WASHC2C: variants seen among roughly 807,000 people sequenced by gnomAD.
WASHC2C encodes the protein WASH complex subunit 2C, also known as Vaccinia Penetration Factor.
A neutral mutation model predicts 142.2 loss-of-function variants in WASHC2C; 73 were observed. The ratio of observed to expected loss-of-function variants is 0.51; its 90% CI spans 0.43 to 0.62. The LOEUF is 0.62. Among genes scored for constraint, WASHC2C ranks in the 20% least tolerant of loss-of-function variants. The pLI is 0.00. For synonymous variants in WASHC2C, 337 were observed against 565.5 expected, an observed-to-expected ratio of 0.60 and a Z score of 5.73; for missense variants, 969 against 1,531.7, an observed-to-expected ratio of 0.63 and a Z score of 6.13.
chr10:45,742,174 C>T (rs2052158239), intron 5 of WASHC2C, among the ~76,000 whole-genome samples: 1 of 152,178 alleles, frequency 6.6e-6, no homozygotes, highest in Non-Finnish European at 1.5e-5. Context: ...CCAGCATGTG[C>T]TGTTGGGGCC....
chr10:45,754,892 C>G (rs782771519), intron 14 of WASHC2C, 44 bp from the exon 15 acceptor site: 2 of 1,610,808 alleles, frequency 1.2e-6, no homozygotes, highest in South Asian at 2.2e-5. Flanking sequence ...TCAACCGGCC[C>G]ACACTGGCTC....
At position 45,772,508 on chromosome 10, in the gene WASHC2C, GTGTTTGAGACCAGCC is replaced by G. The variant is rs566597318; in HGVS notation, c.2040-745_2040-731del. ...AAGTGGAAGGATCTCTTGAGGCCAG[GTGTTTGAGACCAGCC>G]TGAGCAACATAGAGCGACCTCACCT... On this transcript the variant is annotated intron_variant, in intron 20 of 30. Transcript: ENST00000623400. Among the ~76,000 whole-genome samples the G allele has an allele frequency of 2.2e-3, 341 of 151,946 alleles. 2 individuals carry two copies. The highest frequency in any genetic ancestry group is 7.9e-3 in the African/African-American group (326 of 41,460).
chr10:45,765,194 T>A (rs2135213060), intron 18 of WASHC2C, among the ~76,000 whole-genome samples: 1 of 147,250 alleles, frequency 6.8e-6, no homozygotes, highest in South Asian at 2.2e-4. Flanking sequence ...ATGCCTTCCC[T>A]CCATCCCAGG....
intron 13 of WASHC2C, among the ~76,000 whole-genome samples, chr10:45,754,185 TG>T (rs2053957580): frequency 6.6e-6 from 1 of 152,156 alleles, no homozygotes; most frequent in Non-Finnish European, 1.5e-5. Flanking sequence ...ATGCTGTCCC[TG>T]CCTCTGCTGT....
chr10:45,761,417 G>A (rs2135073566), intron 17 of WASHC2C, among the ~76,000 whole-genome samples: 1 of 152,290 alleles, frequency 6.6e-6, no homozygotes, highest in Admixed American at 6.5e-5. Context: ...GGTTTATGGG[G>A]AGAGGCCATA....
intron 19 of WASHC2C, among the ~76,000 whole-genome samples, chr10:45,768,909 C>T (rs1248683953): frequency 1.3e-5 from 2 of 151,844 alleles, no homozygotes; most frequent in East Asian, 1.9e-4. Flanking sequence ...GAAGAGACAT[C>T]GTGGCAGGTG....
At chr10:45,754,348 A>T (rs1204749293) in intron 13 of WASHC2C, 138 bp from the exon 14 acceptor site, 48 of 1,527,620 alleles carry the variant, frequency 3.1e-5, no homozygotes, top group Non-Finnish European at 3.8e-5. Flanking sequence ...AAGGAATTTT[A>T]AAATGGCTTG....
rs367748747 is a variant in WASHC2C, at chr10:45,731,747, ACT to A, written c.291+2724_291+2725del. 3.0e-3 allele frequency among the ~76,000 whole-genome samples: 445 copies of A among 150,050 alleles called. 5 individuals carry two copies. The highest frequency in any genetic ancestry group is 0.01 in the African/African-American group (419 of 40,658). On this transcript the variant is annotated intron_variant, in intron 3 of 30. Transcript: ENST00000623400. ...GAGAAAACAGCTAATGCATAATAAA[ACT>A]CTGAAAAAATATACTTGCTGATATA...
chr10:45,789,442 A>G lies in WASHC2C; in HGVS notation c.3659A>G (p.Lys1220Arg), dbSNP rs1369355526. Residue 1220 changes from lysine (K) to arginine (R), a missense_variant, in exon 29 of 31, where the codon AAA becomes AGA. Coordinates refer to ENST00000623400, the MANE Select transcript of WASHC2C (RefSeq NM_001330074.2). ...CAGAAAGTCAAGAAGAATGAGACAAAATCCAGTAGTCAGCAGGATGTCATA... is the reference window on the plus strand; with the variant it reads ...CAGAAAGTCAAGAAGAATGAGACAAGATCCAGTAGTCAGCAGGATGTCATA... ...TDQKVKKNET[K>R]SSSQQDVILT... is the part of the protein sequence containing the mutation. 32,552 of 1,612,026 alleles carry G rather than the reference A, an allele frequency of 0.02. 426 individuals carry two copies. The highest frequency in any genetic ancestry group is 0.023 in the Middle Eastern group (102 of 4,430).
At chr10:45,789,554 T>C (rs1456171900) in intron 29 of WASHC2C, 63 bp downstream of exon 29, 1 of 1,603,912 alleles carries the variant, frequency 6.2e-7, no homozygotes, top group African/African-American at 1.3e-5. Context: ...GATTGGCTTA[T>C]TTGAGCCATA....
chr10:45,765,652 T>C (rs781826216), intron 18 of WASHC2C, 27 bp from the exon 19 acceptor site: 9 of 1,611,310 alleles, frequency 5.6e-6, no homozygotes, highest in Non-Finnish European at 7.6e-6. Context: ...TAAAGTTGTC[T>C]TACCTTTCTG....
rs201877917 is a variant in WASHC2C at position 45,763,421 on chromosome 10, A to C, written c.1669A>C (p.Lys557Gln). 32,897 of 1,078,614 alleles carry C rather than the reference A, an allele frequency of 0.03. 615 individuals carry two copies. Among genetic ancestry groups the C allele is most frequent in the East Asian group, 0.084 (3,293 of 39,226 alleles). The allele number at this position is 1,078,614 out of a possible 1,614,324, so 66.8% of individuals were successfully genotyped here. A position where few individuals can be genotyped will look rare whatever the true frequency, so the allele number is the denominator to read the frequency against. ...TTCTTCTCAAAGTGCGAGTAACTTA[A>C]AAGGTGCATCTCTGCTGCCTGGCAA... Reference protein sequence around the residue: ...LFSSQSASNLKGASLLPGKLP... With the variant: ...LFSSQSASNLQGASLLPGKLP... The change falls in exon 18 of 31, where the codon AAA becomes CAA. Residue 557 changes from lysine to glutamine, a missense_variant. By Grantham distance (53) the Lys-to-Gln change is moderately conservative. Coordinates refer to ENST00000623400, the MANE Select transcript of WASHC2C (RefSeq NM_001330074.2).
At chr10:45,784,499 T>C (rs2057880438) in intron 23 of WASHC2C, 66 bp from the exon 24 acceptor site, 2 of 1,522,114 alleles carry the variant, frequency 1.3e-6, no homozygotes, top group Non-Finnish European at 8.7e-7. Flanking sequence ...CATCTTTACA[T>C]ATGTAACTTC....
intron 3 of WASHC2C, among the ~76,000 whole-genome samples, chr10:45,733,841 CAT>C (rs1460749746): frequency 2.0e-5 from 3 of 152,126 alleles, no homozygotes; most frequent in African/African-American, 4.8e-5. Context: ...AAAGAAAAAT[CAT>C]GTGAAATTTC....
chr10:45,757,888 T>C (rs1468245315), intron 16 of WASHC2C, among the ~76,000 whole-genome samples: 2 of 152,338 alleles, frequency 1.3e-5, no homozygotes, highest in African/African-American at 4.8e-5. Context: ...CGGCCCGGCT[T>C]CTAACAGGCC....
In WASHC2C at chr10:45,732,557, A is replaced by G. The variant is rs571980059; in HGVS notation, c.291+3531A>G. 9.8e-4 allele frequency among the ~76,000 whole-genome samples: 149 copies of G among 152,332 alleles called. No individual in the cohort carries two copies. In the Middle Eastern group the frequency reaches 0.01, roughly 10 times the overall value. On this transcript the variant is annotated intron_variant, in intron 3 of 30. Transcript: ENST00000623400. ...GGTGAGGGAGGATTTTTTCTTTTTA[A>G]AGTCAATTGTTTCAAAATCTTAGCT... is the stretch of plus-strand genomic sequence containing the variant.
At chr10:45,790,238 G>A (rs1364872271) in intron 29 of WASHC2C, 118 bp from the exon 30 acceptor site, 2 of 1,530,862 alleles carry the variant, frequency 1.3e-6, no homozygotes, top group Non-Finnish European at 1.8e-6. Flanking sequence ...AGAGTGGGCA[G>A]TCTCGAGGCC....
chr10:45,752,423 G>A (rs2053715887), intron 11 of WASHC2C, among the ~76,000 whole-genome samples, 165 bp from the exon 12 acceptor site: 1 of 152,270 alleles, frequency 6.6e-6, no homozygotes, highest in Admixed American at 6.5e-5. Flanking sequence ...TCAGTGGACT[G>A]TGCCAGGGGT....
rs138246448 is a variant in WASHC2C, at chr10:45,754,257, C to T, written c.1181-229C>T. On this transcript the variant is annotated intron_variant, in intron 13 of 30. Coordinates refer to ENST00000623400, the MANE Select transcript of WASHC2C (RefSeq NM_001330074.2). ...ACTGCTGTGGCTTGATGACGGTCAGCATGCTCTTCCATTTGAGTCACAGCT... is the reference window on the plus strand; with the variant it reads ...ACTGCTGTGGCTTGATGACGGTCAGTATGCTCTTCCATTTGAGTCACAGCT... Among the ~76,000 whole-genome samples, 165 of 152,258 alleles carry T rather than the reference C, an allele frequency of 1.1e-3. 2 individuals carry two copies. The East Asian group carries it at 0.029, about 26-fold the overall frequency.
Sources: allele counts gnomAD v4.1 joint callset (sites outside exome capture counted in the v4.1 genomes callset), GRCh38; gene constraint gnomAD v4.1.1; transcripts MANE v1.5; gene names NCBI Gene and HGNC (gene_info 2026-07-23, HGNC 2026-07-21).